Variants in ZNF333 observed in about 807,000 individuals in gnomAD.
ZNF333 encodes zinc finger protein 333.
Under a neutral mutation model 76.1 loss-of-function variants are expected in ZNF333, and 61 were observed. The observed-to-expected ratio is 0.80, with a 90% CI of 0.65 to 0.99. ZNF333 has a LOEUF of 0.99. ZNF333 is among the 50% of genes least tolerant of loss of function. The probability of loss-of-function intolerance (pLI) is 0.00; values close to 1 mark genes in which losing one functional copy is unlikely to be tolerated. For synonymous variants in ZNF333, 284 were observed against 305.0 expected, an observed-to-expected ratio of 0.93 and a Z score of 0.72; for missense variants, 717 against 822.4, an observed-to-expected ratio of 0.87 and a Z score of 1.57.
In ZNF333 at chr19:14,719,263, A is replaced by G. The variant is rs2042535259; in HGVS notation, c.1936A>G (p.Ile646Val). 1.9e-6 allele frequency: 3 copies of G among 1,614,116 alleles called. No homozygotes were observed. The highest frequency in any genetic ancestry group is 2.5e-6 in the Non-Finnish European group (3 of 1,180,034). The change falls in exon 12 of 12, where the codon ATT becomes GTT. Residue 646 changes from isoleucine to valine, a missense_variant. Ile to Val is a conservative substitution (Grantham distance 29). Coordinates refer to ENST00000292530, the MANE Select transcript of ZNF333 (RefSeq NM_032433.4). The stretch of plus-strand genomic sequence containing the variant: ...AAGAACCCATGTGGGAAGAGAGACC[A>G]TTAGGAATGGCAGCCTGCCTTTATC... The part of the protein sequence containing the change: ...HKRTHVGRET[I>V]RNGSLPLSMS...
In ZNF333 at chr19:14,693,650, A is replaced by G. The variant is rs563453574; in HGVS notation, c.3+156A>G. On this transcript the variant is annotated intron_variant, in intron 2 of 11. Coordinates refer to ENST00000292530, the MANE Select transcript of ZNF333 (RefSeq NM_032433.4). ...TCCTCATCCCTGCCCTAGGGGACCT[A>G]GGGACTTCCTTCTGTGCCTGACCTC... Among the ~76,000 whole-genome samples, 43 of 152,272 alleles carry G rather than the reference A, an allele frequency of 2.8e-4. 2 individuals carry two copies. The South Asian group carries it at 8.7e-3, about 31-fold the overall frequency.
At chr19:14,715,932 TAG>T (rs2147013355) in intron 8 of ZNF333, among the ~76,000 whole-genome samples, 178 bp from the exon 9 acceptor site, 1 of 152,090 alleles carries the variant, frequency 6.6e-6, no homozygotes, top group East Asian at 1.9e-4. Context: ...GAGTGGAGAG[TAG>T]AGAGAGGAGT....
intron 7 of ZNF333, among the ~76,000 whole-genome samples, chr19:14,710,361 G>A (rs563529851): frequency 7.9e-5 from 12 of 152,348 alleles, no homozygotes; most frequent in Non-Finnish European, 1.5e-4. Flanking sequence ...GGGGTTGAGT[G>A]TGGAGGAGGT....
rs2042448115 is a variant in ZNF333, at chr19:14,716,936, C to T, written c.728-58C>T. On this transcript the variant is annotated intron_variant, in intron 9 of 11. Coordinates refer to ENST00000292530, the MANE Select transcript of ZNF333 (RefSeq NM_032433.4). ...CCCCTAAAGACTTGAGAATATCGGCCCTGGTGTCAGGGCATGGCACAGTCC... is the reference window on the plus strand; with the variant it reads ...CCCCTAAAGACTTGAGAATATCGGCTCTGGTGTCAGGGCATGGCACAGTCC... 2.7e-6 allele frequency: 4 copies of T among 1,495,340 alleles called. No individual in the cohort carries two copies. The African/African-American group carries it at 4.1e-5, about 15-fold the overall frequency. 92.6% of individuals were successfully genotyped at this position (1,495,340 alleles called of 1,614,324 possible).
exon 12 of ZNF333, chr19:14,731,497 A>G: frequency 5.5e-6 from 2 of 361,884 alleles, no homozygotes; most frequent in Non-Finnish European, 1.0e-5. Context: ...AAAGGGGGAA[A>G]ACAGCCAGGG....
chr19:14,698,887 C>A (rs1973435735), intron 4 of ZNF333, among the ~76,000 whole-genome samples: 1 of 139,474 alleles, frequency 7.2e-6, no homozygotes, highest in African/African-American at 2.7e-5. Context: ...TGTGTACACA[C>A]ACACAAATAT....
downstream of ZNF333, among the ~76,000 whole-genome samples, chr19:14,725,821 T>C (rs1599764691): frequency 6.6e-6 from 1 of 152,004 alleles, no homozygotes; most frequent in Non-Finnish European, 1.5e-5. Context: ...CTCTTATGGG[T>C]TGGAGTTGAG....
At chr19:14,707,082 A>G (rs1466773563) in intron 7 of ZNF333, 1 of 293,242 alleles carries the variant, frequency 3.4e-6, no homozygotes, top group Non-Finnish European at 6.3e-6. Context: ...ATTTACTAGA[A>G]ATGGCCTGTG....
At chr19:14,691,480 A>G (rs1435975375) in intron 1 of ZNF333, among the ~76,000 whole-genome samples, 1 of 152,218 alleles carries the variant, frequency 6.6e-6, no homozygotes, top group Non-Finnish European at 1.5e-5. Flanking sequence ...AATTAACTCC[A>G]GAGGAAAATC....
intron 10 of ZNF333, 114 bp from the exon 11 acceptor site, chr19:14,717,543 G>T (rs527387191): frequency 1.0e-4 from 85 of 836,770 alleles, no homozygotes; most frequent in African/African-American, 9.7e-4. Flanking sequence ...CCCGTACATA[G>T]GACCAGTATT....
At chr19:14,694,956 C>G in intron 2 of ZNF333, 54 bp from the exon 3 acceptor site, 1 of 1,608,694 alleles carries the variant, frequency 6.2e-7, no homozygotes, top group South Asian at 1.1e-5. Flanking sequence ...ACCAGTCGTT[C>G]TGCTCAGTGG....
rs547568498 is a variant in ZNF333 at position 14,728,212 on chromosome 19, CA to C, written c.901-2954del. On this transcript the variant is annotated intron_variant, in intron 11 of 11. Transcript: ENST00000540689. ...TGGGCGACAGAGCGAGACTCCGTCT[CA>C]AAAAAAAATTTTTTTTTCAGAATAC... Among the ~76,000 whole-genome samples the C allele has an allele frequency of 5.9e-3, 892 of 151,508 alleles. 4 individuals carry two copies. The highest frequency in any genetic ancestry group is 0.02 in the African/African-American group (829 of 41,370).
rs773499835 is a variant in ZNF333, at chr19:14,715,363, C to T, written c.512-19C>T. ...GTAGGCCAGGCACCAACCCTCATGC[C>T]TCTTCCCTTCTCCCCTAGCTGTGCC... On this transcript the variant is annotated intron_variant, in intron 7 of 11. Coordinates refer to ENST00000292530, the MANE Select transcript of ZNF333 (RefSeq NM_032433.4). 9.9e-6 allele frequency: 16 copies of T among 1,612,570 alleles called. No individual in the cohort carries two copies. Among genetic ancestry groups the T allele is most frequent in the Non-Finnish European group, 1.4e-5 (16 of 1,179,284 alleles).
rs569396297 is a variant in ZNF333 at position 14,730,165 on chromosome 19, G to A, written c.901-1010G>A. On this transcript the variant is annotated intron_variant, in intron 11 of 11. Transcript: ENST00000540689. Reference sequence around the variant, plus strand: ...CCTCCCAGGTTCAAGTGATTCTTCTGCCTCGCAGCCTCCTGAGTAGCTGGG... The same window carrying A: ...CCTCCCAGGTTCAAGTGATTCTTCTACCTCGCAGCCTCCTGAGTAGCTGGG... Among the ~76,000 whole-genome samples the A allele has an allele frequency of 5.9e-5, 9 of 152,242 alleles. No homozygotes were observed. The South Asian group carries it at 1.7e-3, about 28-fold the overall frequency.
chr19:14,694,119 A>G (rs1467311984), intron 2 of ZNF333, among the ~76,000 whole-genome samples: 1 of 152,166 alleles, frequency 6.6e-6, no homozygotes, highest in African/African-American at 2.4e-5. Context: ...GAACATTCCC[A>G]TCATCAGAGA....
At chr19:14,717,325 A>G in intron 10 of ZNF333, 3 of 537,886 alleles carry the variant, frequency 5.6e-6, no homozygotes, top group African/African-American at 1.9e-5. Context: ...TAATATTTCC[A>G]TGTGTATATT....
chr19:14,712,225 G>A (rs1568546663), intron 7 of ZNF333, among the ~76,000 whole-genome samples: 2 of 143,986 alleles, frequency 1.4e-5, no homozygotes, highest in African/African-American at 2.5e-5. Context: ...GGTGATGAGT[G>A]TTTTTTTTTT....
downstream of ZNF333, among the ~76,000 whole-genome samples, chr19:14,724,981 A>G (rs781725782): frequency 9.2e-5 from 14 of 152,320 alleles, no homozygotes; most frequent in Middle Eastern, 3.4e-3. Flanking sequence ...CTAAAAAGGA[A>G]TACCTGAGAC....
chr19:14,709,984 C>T (rs893089363), intron 7 of ZNF333, among the ~76,000 whole-genome samples: 9 of 152,128 alleles, frequency 5.9e-5, no homozygotes, highest in East Asian at 1.9e-4. Flanking sequence ...TCAGGAGGTT[C>T]GGAGAGAGGA....
Sources: allele counts gnomAD v4.1 joint callset (sites outside exome capture counted in the v4.1 genomes callset), GRCh38; gene constraint gnomAD v4.1.1; transcripts MANE v1.5; gene names NCBI Gene and HGNC (gene_info 2026-07-23, HGNC 2026-07-21).